RPGRIP1L: variants seen among roughly 807,000 people sequenced by gnomAD.
RPGRIP1L encodes protein fantom.
A neutral mutation model predicts 160.4 loss-of-function variants in RPGRIP1L; 131 were observed. That is an observed-to-expected ratio of 0.82 (90% CI 0.71 to 0.94). RPGRIP1L has a LOEUF of 0.94. RPGRIP1L is among the 40% of genes least tolerant of loss of function. The pLI, the probability that RPGRIP1L is intolerant of heterozygous loss-of-function variation, is 0.00. For missense variants in RPGRIP1L, 1,522 were observed against 1,535.8 expected, an observed-to-expected ratio of 0.99 and a Z score of 0.15; for synonymous variants, 510 against 515.8, an observed-to-expected ratio of 0.99 and a Z score of 0.15.
chr16:53,628,336 C>T (rs368259058), intron 22 of RPGRIP1L: 9 of 152,240 alleles, frequency 5.9e-5, no homozygotes, highest in East Asian at 3.9e-4. Flanking sequence ...TCAGACTCAA[C>T]CACTGGTATT....
At chr16:53,664,084 T>G (rs1968037606) in intron 10 of RPGRIP1L, among the ~76,000 whole-genome samples, 2 of 152,178 alleles carry the variant, frequency 1.3e-5, no homozygotes, top group Admixed American at 6.5e-5. Context: ...CATGACTCGG[T>G]TTATCTAGGG....
At chr16:53,679,292 G>C (rs2061784991) in intron 6 of RPGRIP1L, among the ~76,000 whole-genome samples, 1 of 152,114 alleles carries the variant, frequency 6.6e-6, no homozygotes, top group African/African-American at 2.4e-5. Flanking sequence ...GGCTGGTTGG[G>C]AACAGGAAGA....
chr16:53,654,211 C>T (rs140927137), intron 14 of RPGRIP1L, among the ~76,000 whole-genome samples: 165 of 152,244 alleles, frequency 1.1e-3, no homozygotes, highest in East Asian at 8.7e-3. Flanking sequence ...GTAATCCATC[C>T]GCCTTGGCTC....
chr16:53,636,359 A>G, intron 22 of RPGRIP1L, 80 bp downstream of exon 22: 1 of 972,722 alleles, frequency 1.0e-6, no homozygotes. Flanking sequence ...TAAGATTTTT[A>G]TATATGAAGA....
intron 22 of RPGRIP1L, among the ~76,000 whole-genome samples, chr16:53,635,950 G>C (rs959082789): frequency 1.3e-5 from 2 of 152,018 alleles, no homozygotes; most frequent in African/African-American, 4.8e-5. Context: ...AAAGTATACC[G>C]GCACAAGATT....
rs529327475 is a variant in RPGRIP1L, at chr16:53,620,806, T to C, written c.3432+1413A>G. On this transcript the variant is annotated intron_variant, in intron 23 of 26. Coordinates refer to ENST00000647211, the MANE Select transcript of RPGRIP1L (RefSeq NM_015272.5). ...TCTCTGCTCGCTGAAGACTACATGG[T>C]AAAGAAAATATTTTAAATGATATTT... is the stretch of plus-strand genomic sequence containing the variant. 7.9e-5 allele frequency among the ~76,000 whole-genome samples: 12 copies of C among 152,316 alleles called. No individual in the cohort carries two copies. In the East Asian group the frequency reaches 2.3e-3, roughly 29 times the overall value.
At chr16:53,655,377 T>C (rs1485286488) in intron 14 of RPGRIP1L, among the ~76,000 whole-genome samples, 1 of 152,188 alleles carries the variant, frequency 6.6e-6, no homozygotes, top group Non-Finnish European at 1.5e-5. Flanking sequence ...TAAATATCAA[T>C]TAAGTATAAC....
At chr16:53,612,489 A>ACTTTTTTTTT (rs756195329) in intron 24 of RPGRIP1L, among the ~76,000 whole-genome samples, 1 of 131,574 alleles carries the variant, frequency 7.6e-6, no homozygotes, top group Non-Finnish European at 1.6e-5. Flanking sequence ...TCCAAATGGG[A>ACTTTTTTTTT]TTTTTTTTTT....
chr16:53,698,135 C>T (rs1225188223), intron 2 of RPGRIP1L, among the ~76,000 whole-genome samples: 1,597 of 89,412 alleles, frequency 0.018, no homozygotes, highest in East Asian at 0.04. Context: ...GCAACCGCCC[C>T]GTCTGAGAAG....
chr16:53,633,473 T>G (rs1965647895), intron 22 of RPGRIP1L, among the ~76,000 whole-genome samples: 1 of 152,144 alleles, frequency 6.6e-6, no homozygotes, highest in African/African-American at 2.4e-5. Flanking sequence ...GAAGAAGCAT[T>G]ACAGATTAAT....
At chr16:53,660,299 A>G (rs531420831) in intron 10 of RPGRIP1L, among the ~76,000 whole-genome samples, 52 of 152,248 alleles carry the variant, frequency 3.4e-4, no homozygotes, top group African/African-American at 1.2e-3. Flanking sequence ...TATGTTTATC[A>G]TAAGTCTTCA....
At chr16:53,702,687 CTTT>C (rs576871805) in intron 1 of RPGRIP1L, among the ~76,000 whole-genome samples, 4 of 141,624 alleles carry the variant, frequency 2.8e-5, no homozygotes, top group African/African-American at 5.2e-5. Context: ...CTTTTCTTTT[CTTT>C]TTTTTTTTTT....
chr16:53,678,156 C>A (rs1477198), intron 6 of RPGRIP1L, among the ~76,000 whole-genome samples: 59,945 of 133,496 alleles, frequency 0.45, 17,169 homozygotes, highest in African/African-American at 0.82. Context: ...TTTAAAAAAA[C>A]CATGATTTTA....
intron 26 of RPGRIP1L, among the ~76,000 whole-genome samples, chr16:53,602,560 G>C (rs1234654204): frequency 6.6e-6 from 1 of 152,106 alleles, no homozygotes; most frequent in Non-Finnish European, 1.5e-5. Flanking sequence ...GTGATCACCT[G>C]AGGTTGAGAG....
At chr16:53,665,398 T>C (rs1968156936) in intron 9 of RPGRIP1L, among the ~76,000 whole-genome samples, 1 of 152,180 alleles carries the variant, frequency 6.6e-6, no homozygotes, top group African/African-American at 2.4e-5. Context: ...ACAGAGAAAA[T>C]GGACTTTCCA....
chr16:53,681,217 T>G (rs528238904), intron 6 of RPGRIP1L, among the ~76,000 whole-genome samples: 1 of 152,210 alleles, frequency 6.6e-6, no homozygotes, highest in African/African-American at 2.4e-5. Context: ...GAGATACTTA[T>G]GGGTTAAATT....
chr16:53,677,925 T>C (rs941324203), intron 6 of RPGRIP1L, among the ~76,000 whole-genome samples: 4 of 152,170 alleles, frequency 2.6e-5, no homozygotes, highest in Non-Finnish European at 2.9e-5. Context: ...GAAAGAATAA[T>C]GCATGGTAAA....
At chr16:53,625,665 G>T (rs1032879262) in intron 22 of RPGRIP1L, among the ~76,000 whole-genome samples, 2 of 152,276 alleles carry the variant, frequency 1.3e-5, no homozygotes, top group South Asian at 4.1e-4. Flanking sequence ...CATTGAGAAC[G>T]GGCCATGATG....
chr16:53,662,782 T>C (rs1967915996), intron 10 of RPGRIP1L, among the ~76,000 whole-genome samples: 1 of 152,032 alleles, frequency 6.6e-6, no homozygotes, highest in Admixed American at 6.6e-5. Context: ...TGGAAAGTAA[T>C]AGTTGCATTA....
Sources: allele counts gnomAD v4.1 joint callset (sites outside exome capture counted in the v4.1 genomes callset), GRCh38; gene constraint gnomAD v4.1.1; transcripts MANE v1.5; gene names NCBI Gene and HGNC (gene_info 2026-07-23, HGNC 2026-07-21).